The following TASOR2 variants were observed in gnomAD, a reference collection of about 807,000 sequenced individuals.
TASOR2 encodes transcription activation suppressor family member 2.
A neutral mutation model predicts 199.5 loss-of-function variants in TASOR2; 84 were observed. That is an observed-to-expected ratio of 0.42 (90% CI 0.35 to 0.50). The LOEUF (loss-of-function observed/expected upper bound fraction) is 0.50, where lower values mean the gene tolerates loss of function less well. Ranked by LOEUF, TASOR2 falls within the 20% of genes least tolerant of loss-of-function variation. The pLI, the probability that TASOR2 is intolerant of heterozygous loss-of-function variation, is 0.02. For missense variants in TASOR2, 2,796 were observed against 2,835.9 expected, an observed-to-expected ratio of 0.99 and a Z score of 0.32; for synonymous variants, 1,103 against 1,046.6, an observed-to-expected ratio of 1.05 and a Z score of -1.04.
In TASOR2 at chr10:5,748,177, T is replaced by C; in HGVS notation, c.4756T>C (p.Ser1586Pro). The stretch of plus-strand genomic sequence containing the variant: ...TCCTAGAAATGTTATTGAAAATAAG[T>C]CTTTGTCTGACACATTGGTTTCCAC... Residue 1586 changes from serine to proline, a missense_variant, in exon 15 of 21, where the codon TCT becomes CCT. Physicochemically the swap from Ser to Pro is moderately conservative, Grantham distance 74. Coordinates refer to ENST00000328090, the Ensembl canonical transcript of TASOR2. The surrounding 1 kb of genome is among the most constrained non-coding windows in gnomAD (Gnocchi z 5.1). 6.2e-7 allele frequency: 1 copy of C among 1,614,228 alleles called. No homozygotes were observed. Among genetic ancestry groups the C allele is most frequent in the Non-Finnish European group, 8.5e-7 (1 of 1,180,046 alleles).
rs1272140857 is a variant in TASOR2 at position 5,752,121 on chromosome 10, C to T, written c.6606+2094C>T. On this transcript the variant is annotated intron_variant, in intron 15 of 20. Coordinates refer to ENST00000328090, the Ensembl canonical transcript of TASOR2. The surrounding 1 kb of genome is among the most constrained non-coding windows in gnomAD (Gnocchi z 4.4). Reference sequence around the variant, plus strand: ...CTCCCCCTACCCTTGCAGCAGAAAGCTCCATTCAGATGTCAGCAGTCCTGT... The same window carrying T: ...CTCCCCCTACCCTTGCAGCAGAAAGTTCCATTCAGATGTCAGCAGTCCTGT... 2.0e-5 allele frequency among the ~76,000 whole-genome samples: 3 copies of T among 152,170 alleles called. No homozygotes were observed. The highest frequency in any genetic ancestry group is 7.2e-5 in the African/African-American group (3 of 41,436).
Position 5,738,869 on chromosome 10 carries a change from A to T in TASOR2, c.1448-749A>T, listed in dbSNP as rs1240586583. Among the ~76,000 whole-genome samples the T allele has an allele frequency of 6.6e-6, 1 of 152,184 alleles. No homozygotes were observed. The highest frequency in any genetic ancestry group is 1.5e-5 in the Non-Finnish European group (1 of 68,038). On this transcript the variant is annotated intron_variant, in intron 12 of 20. Coordinates refer to ENST00000328090, the Ensembl canonical transcript of TASOR2. This position sits in a 1 kb window ranked among gnomAD's most constrained non-coding sequence, Gnocchi z 4.7. ...CAAGGGAAACCACTGGCAAATGTAA[A>T]TGTTCTGATTAAGGGCATATGGATA...
chr10:5,729,743 T>C (rs1412298689), intron 10 of TASOR2, among the ~76,000 whole-genome samples: 1 of 151,510 alleles, frequency 6.6e-6, no homozygotes, highest in Non-Finnish European at 1.5e-5. Context: ...CTGTTGTTTC[T>C]TGTGGCTTTA....
At chr10:5,746,376 C>T in exon 15 of TASOR2, 7 of 1,614,120 alleles carry the variant, frequency 4.3e-6, no homozygotes, top group Non-Finnish European at 5.9e-6. Flanking sequence ...ATGGGCCTGG[C>T]AGTCAGCCAG....
At chr10:5,757,390 C>G in intron 16 of TASOR2, 130 bp from the exon 18 acceptor site, 1 of 892,208 alleles carries the variant, frequency 1.1e-6, no homozygotes, top group Non-Finnish European at 1.7e-6. Flanking sequence ...AATGACCAGT[C>G]GGTAATCCAG....
intron 12 of TASOR2, among the ~76,000 whole-genome samples, chr10:5,739,131 C>T (rs887147297): frequency 6.6e-6 from 1 of 152,164 alleles, no homozygotes; most frequent in Non-Finnish European, 1.5e-5. Flanking sequence ...ATCGCTTGTT[C>T]AGGGAAATGG....
At chr10:5,757,282 C>A (rs1839102817) in intron 16 of TASOR2, among the ~76,000 whole-genome samples, 1 of 152,158 alleles carries the variant, frequency 6.6e-6, no homozygotes, top group African/African-American at 2.4e-5. Context: ...TTATTTCCAA[C>A]CTTTGGGAGT....
chr10:5,752,229 A>G lies in TASOR2; in HGVS notation c.6606+2202A>G, dbSNP rs183297286. Among the ~76,000 whole-genome samples, 1 of 152,346 alleles carries G rather than the reference A, an allele frequency of 6.6e-6. No homozygotes were observed. The highest frequency in any genetic ancestry group is 1.5e-5 in the Non-Finnish European group (1 of 68,024). On this transcript the variant is annotated intron_variant, in intron 15 of 20. Coordinates refer to ENST00000328090, the Ensembl canonical transcript of TASOR2. This position sits in a 1 kb window ranked among gnomAD's most constrained non-coding sequence, Gnocchi z 4.4. ...CATGATTCTTATAGTCTAATGGGAC[A>G]AGGAAAACACTGATTAAAAGAGTCA...
At chr10:5,696,917 C>T (rs1837229624) in intron 1 of TASOR2, among the ~76,000 whole-genome samples, 1 of 151,870 alleles carries the variant, frequency 6.6e-6, no homozygotes, top group African/African-American at 2.4e-5. Flanking sequence ...AAATTTAATA[C>T]AAGGTTTAGA....
chr10:5,759,737 A>G (rs1333688372), intron 18 of TASOR2, among the ~76,000 whole-genome samples: 1 of 152,258 alleles, frequency 6.6e-6, no homozygotes, highest in Non-Finnish European at 1.5e-5. Flanking sequence ...AGACGAAACG[A>G]CTGTTAGCTG....
At chr10:5,763,173 A>G (rs189098323) in exon 21 of TASOR2, 2 of 781,096 alleles carry the variant, frequency 2.6e-6, no homozygotes, top group Non-Finnish European at 2.0e-6. Context: ...GAAAGTTTTC[A>G]TTTTTTATAT....
At chr10:5,756,260 G>A (rs1021296436) in intron 15 of TASOR2, among the ~76,000 whole-genome samples, 1 of 152,156 alleles carries the variant, frequency 6.6e-6, no homozygotes, top group African/African-American at 2.4e-5. Flanking sequence ...GTTTTTTAAA[G>A]CTCTAGAAAT....
Position 5,690,155 on chromosome 10 carries a change from A to G in TASOR2, c.-288+4980A>G, listed in dbSNP as rs753127699. On this transcript the variant is annotated intron_variant, in intron 1 of 20. Coordinates refer to ENST00000328090, the Ensembl canonical transcript of TASOR2. The surrounding 1 kb of genome is among the most constrained non-coding windows in gnomAD (Gnocchi z 4.8). ...ACTTATTTATATTTGCTAAAAGATT[A>G]CCTACTTTATTATTACTCTACAAAT... is the stretch of plus-strand genomic sequence containing the variant. Among the ~76,000 whole-genome samples, 13 of 152,166 alleles carry G rather than the reference A, an allele frequency of 8.5e-5. No individual in the cohort carries two copies. Among genetic ancestry groups the G allele is most frequent in the Non-Finnish European group, 1.8e-4 (12 of 68,020 alleles).
At position 5,699,729 on chromosome 10, in the gene TASOR2, A is replaced by T; in HGVS notation, c.-287-13094A>T. 1 of 792,606 alleles carries T rather than the reference A, an allele frequency of 1.3e-6. No homozygotes were observed. The highest frequency in any genetic ancestry group is 1.5e-6 in the Non-Finnish European group (1 of 654,084). The allele number at this position is 792,606 out of a possible 1,614,324, so 49.1% of individuals were successfully genotyped here. A position where few individuals can be genotyped will look rare whatever the true frequency, so the allele number is the denominator to read the frequency against. ...GCAAAGATCATAAAAGTAGAAATGA[A>T]ATTTTATGGTAAGTATATTTTACCA... On this transcript the variant is annotated intron_variant, in intron 1 of 20. Transcript: ENST00000328090. This position sits in a 1 kb window ranked among gnomAD's most constrained non-coding sequence, Gnocchi z 4.1.
In TASOR2 at chr10:5,723,784, T is replaced by C; in HGVS notation, c.247+7T>C. 1 of 1,582,100 alleles carries C rather than the reference T, an allele frequency of 6.3e-7. No homozygotes were observed. Among genetic ancestry groups the C allele is most frequent in the Non-Finnish European group, 8.6e-7 (1 of 1,157,650 alleles). ...AATTACTTGGAGGAGAAAGGTCTGT[T>C]GAAATGTAATAACACGCTACTTGTC... On this transcript the variant is annotated splice_region_variant and intron_variant, in intron 7 of 20. Transcript: ENST00000328090.
intron 2 of TASOR2, among the ~76,000 whole-genome samples, chr10:5,715,928 A>G (rs1043422504): frequency 2.6e-5 from 4 of 152,098 alleles, no homozygotes; most frequent in African/African-American, 9.7e-5. Flanking sequence ...GGTGTGAGCT[A>G]CCCTGCCTGG....
intron 7 of TASOR2, 113 bp downstream of exon 8, chr10:5,723,890 A>G: frequency 3.6e-6 from 2 of 556,194 alleles, no homozygotes; most frequent in Non-Finnish European, 5.9e-6. Context: ...AGTGACTCTT[A>G]AAAGAGTCTT....
rs191533080 is a variant in TASOR2 at position 5,748,181 on chromosome 10, T to G, written c.4760T>G (p.Leu1587Trp). 7.2e-5 allele frequency: 117 copies of G among 1,614,272 alleles called. No homozygotes were observed. In the East Asian group the frequency reaches 2.4e-3, roughly 34 times the overall value. ...AGAAATGTTATTGAAAATAAGTCTT[T>G]GTCTGACACATTGGTTTCCACAACT... Residue 1587 changes from leucine to tryptophan, a missense_variant, in exon 15 of 21, where the codon TTG (leucine) becomes TGG (tryptophan). Physicochemically the swap from Leu to Trp is moderately conservative, Grantham distance 61. Transcript: ENST00000328090. This position sits in a 1 kb window ranked among gnomAD's most constrained non-coding sequence, Gnocchi z 5.1.
intron 12 of TASOR2, 80 bp downstream of exon 13, chr10:5,735,626 G>T: frequency 6.7e-7 from 1 of 1,503,754 alleles, no homozygotes; most frequent in Non-Finnish European, 8.9e-7. Context: ...TTGAAATAGT[G>T]TAAGAGCAGT....
Sources: allele counts gnomAD v4.1 joint callset (sites outside exome capture counted in the v4.1 genomes callset), GRCh38; gene constraint gnomAD v4.1.1; non-coding constraint Gnocchi (gnomAD v3.1); transcripts MANE v1.5; gene names NCBI Gene and HGNC (gene_info 2026-07-23, HGNC 2026-07-21).